JAKMIP1: variants seen among roughly 807,000 people sequenced by gnomAD.
JAKMIP1 encodes janus kinase and microtubule-interacting protein 1.
JAKMIP1 carries 33 observed loss-of-function variants against 113.0 expected under a neutral mutation model. The observed-to-expected ratio is 0.29, with a 90% confidence interval of 0.22 to 0.39. The LOEUF is 0.39. Among genes scored for constraint, JAKMIP1 ranks in the 10% least tolerant of loss-of-function variants. The pLI is 1.00. For missense variants in JAKMIP1, 813 were observed against 1,080.5 expected (o/e 0.75, Z 3.47); for synonymous variants, 480 against 459.9 (o/e 1.04, Z -0.56).
intron 2 of JAKMIP1, among the ~76,000 whole-genome samples, chr4:6,107,052 A>T (rs1714073084): frequency 6.6e-6 from 1 of 152,238 alleles, no homozygotes; most frequent in East Asian, 1.9e-4. Context: ...CCAGGCAAAC[A>T]CACAAGATCA....
Position 6,156,946 on chromosome 4 carries a change from C to T in JAKMIP1, c.-148+43307G>A, listed in dbSNP as rs988470158. Among the ~76,000 whole-genome samples, 1 of 152,206 alleles carries T rather than the reference C, an allele frequency of 6.6e-6. No homozygotes were observed. The highest frequency in any genetic ancestry group is 2.4e-5 in the African/African-American group (1 of 41,452). ...TCCATGGCTAGTGGTTTGAATGCGT[C>T]CCTCAAAGTTCACTGTTAATCCCCA... is the stretch of plus-strand genomic sequence containing the variant. On this transcript the variant is annotated intron_variant, in intron 1 of 20. Coordinates refer to ENST00000409021, the MANE Select transcript of JAKMIP1 (RefSeq NM_001099433.2). This position sits in a 1 kb window ranked among gnomAD's most constrained non-coding sequence, Gnocchi z 5.0.
intron 8 of JAKMIP1, among the ~76,000 whole-genome samples, chr4:6,077,907 C>T (rs1383163622): frequency 1.3e-5 from 2 of 152,174 alleles, no homozygotes; most frequent in African/African-American, 4.8e-5. Flanking sequence ...GGTCCACCTT[C>T]TTATAGCAAC....
intron 19 of JAKMIP1, 109 bp from the exon 20 acceptor site, chr4:6,029,890 CTG>C (rs1247870488): frequency 1.3e-6 from 1 of 774,846 alleles, no homozygotes. Flanking sequence ...GATACCAACA[CTG>C]TGGGCAGCCT....
chr4:6,026,866 ATTTTTTTTT>A (rs370379960), intron 20 of JAKMIP1, among the ~76,000 whole-genome samples: 13 of 140,682 alleles, frequency 9.2e-5, no homozygotes, highest in African/African-American at 2.4e-4. Flanking sequence ...ATTTCTTTGC[ATTTTTTTTT>A]TTTTTTTTTT....
At chr4:6,112,615 C>A (rs988669409) in intron 2 of JAKMIP1, 107 bp downstream of exon 2, 30 of 1,375,748 alleles carry the variant, frequency 2.2e-5, no homozygotes, top group South Asian at 7.8e-5. Flanking sequence ...AGTGCCCCCC[C>A]TCGGCCCCCC....
rs115972611 is a variant in JAKMIP1 at position 6,087,264 on chromosome 4, C to T, written c.625-1635G>A. 6.6e-3 allele frequency among the ~76,000 whole-genome samples: 1,003 copies of T among 152,242 alleles called. 12 individuals are homozygous for T. The highest frequency in any genetic ancestry group is 0.023 in the African/African-American group (968 of 41,530). On this transcript the variant is annotated intron_variant, in intron 3 of 20. Coordinates refer to ENST00000409021, the MANE Select transcript of JAKMIP1 (RefSeq NM_001099433.2). Reference sequence around the variant, plus strand: ...AAGCAGGCTAAAATCCCGCCCACCCCCCAACCCTGACCATATGACCATGGG... The same window carrying T: ...AAGCAGGCTAAAATCCCGCCCACCCTCCAACCCTGACCATATGACCATGGG...
chr4:6,154,317 A>T lies in JAKMIP1; in HGVS notation c.-147-41320T>A, dbSNP rs1411662668. On this transcript the variant is annotated intron_variant, in intron 1 of 20. Transcript: ENST00000409021. The surrounding 1 kb of genome is among the most constrained non-coding windows in gnomAD (Gnocchi z 4.2). Reference sequence around the variant, plus strand: ...AATAATTCGGTCATTTTCACATCAAAACCATTGCAAGGAAAACCCCCTAGG... The same window carrying T: ...AATAATTCGGTCATTTTCACATCAATACCATTGCAAGGAAAACCCCCTAGG... 6.6e-6 allele frequency among the ~76,000 whole-genome samples: 1 copy of T among 152,112 alleles called. No individual in the cohort carries two copies. The highest frequency in any genetic ancestry group is 1.5e-5 in the Non-Finnish European group (1 of 68,016).
At chr4:6,101,013 T>C (rs1360004425) in intron 3 of JAKMIP1, among the ~76,000 whole-genome samples, 1 of 152,220 alleles carries the variant, frequency 6.6e-6, no homozygotes, top group Non-Finnish European at 1.5e-5. Flanking sequence ...GTCTCTCTTT[T>C]ATTAGTGTCT....
Position 6,086,135 on chromosome 4 carries a change from C to T in JAKMIP1, c.625-506G>A, listed in dbSNP as rs537862595. ...AACCCACCGGACAACGTTGTCCTCCCGCCCTGACTCCGTCACCCACTCCCA... is the reference window on the plus strand; with the variant it reads ...AACCCACCGGACAACGTTGTCCTCCTGCCCTGACTCCGTCACCCACTCCCA... On this transcript the variant is annotated intron_variant, in intron 3 of 20. Transcript: ENST00000409021. This position sits in a 1 kb window ranked among gnomAD's most constrained non-coding sequence, Gnocchi z 4.1. Among the ~76,000 whole-genome samples, 9 of 152,234 alleles carry T rather than the reference C, an allele frequency of 5.9e-5. No individual in the cohort carries two copies. In the South Asian group the frequency reaches 1.7e-3, roughly 28 times the overall value.
chr4:6,069,953 A>C lies in JAKMIP1; in HGVS notation c.1303-4945T>G. The C allele has an allele frequency of 2.5e-6, 1 of 393,042 alleles. No homozygotes were observed. The highest frequency in any genetic ancestry group is 4.5e-6 in the Non-Finnish European group (1 of 222,952). 24.3% of individuals were successfully genotyped at this position (393,042 alleles called of 1,614,324 possible). ...CAGCCACCTGTCTTCTCACCTTCCT[A>C]TCATTTTCAACAGAGCCACCTGTCA... On this transcript the variant is annotated intron_variant, in intron 8 of 20. Transcript: ENST00000409021. The surrounding 1 kb of genome is among the most constrained non-coding windows in gnomAD (Gnocchi z 4.5).
At chr4:6,163,682 T>G (rs150473597) in intron 1 of JAKMIP1, among the ~76,000 whole-genome samples, 1 of 152,222 alleles carries the variant, frequency 6.6e-6, no homozygotes, top group Non-Finnish European at 1.5e-5. Context: ...GCTAGGCCTC[T>G]TGCACCAGTT....
rs1726276755 is a variant in JAKMIP1 at position 6,183,472 on chromosome 4, C to T, written c.-148+16781G>A. ...CCAGCCTGGGTGACAGAGCAAGACT[C>T]TGTCTCAATAAATAAATAAATAAAT... On this transcript the variant is annotated intron_variant, in intron 1 of 20. Transcript: ENST00000409021. The surrounding 1 kb of genome is among the most constrained non-coding windows in gnomAD (Gnocchi z 5.3). Among the ~76,000 whole-genome samples the T allele has an allele frequency of 1.6e-4, 1 of 6,322 alleles. No homozygotes were observed. Among genetic ancestry groups the T allele is most frequent in the Admixed American group, 1.7e-3 (1 of 586 alleles). 4.1% of individuals were successfully genotyped at this position (6,322 alleles called of 152,430 possible). A position where few individuals can be genotyped will look rare whatever the true frequency, so the allele number is the denominator to read the frequency against.
In JAKMIP1 at chr4:6,064,599, C is replaced by T. The variant is rs555244683; in HGVS notation, c.1431+281G>A. ...CCCAAGGCAACATCCCTCAATGACT[C>T]AGCTTGAACTTGGCAGCCACAGATT... On this transcript the variant is annotated intron_variant, in intron 9 of 20. Transcript: ENST00000409021. The surrounding 1 kb of genome is among the most constrained non-coding windows in gnomAD (Gnocchi z 4.3). 4.9e-4 allele frequency among the ~76,000 whole-genome samples: 74 copies of T among 152,228 alleles called. No individual in the cohort carries two copies. The highest frequency in any genetic ancestry group is 1.7e-3 in the African/African-American group (71 of 41,558).
intron 2 of JAKMIP1, among the ~76,000 whole-genome samples, chr4:6,107,506 G>C (rs1381157689): frequency 6.6e-6 from 1 of 152,146 alleles, no homozygotes; most frequent in Non-Finnish European, 1.5e-5. Context: ...GTAGACTCTG[G>C]GTGAAGCACG....
chr4:6,128,860 C>T (rs1175703392), intron 1 of JAKMIP1, among the ~76,000 whole-genome samples: 2 of 152,222 alleles, frequency 1.3e-5, no homozygotes, highest in Non-Finnish European at 1.5e-5. Context: ...CCACACCTCA[C>T]CCCTGCAGAG....
In JAKMIP1 at chr4:6,035,078, T is replaced by A. The variant is rs1427683802; in HGVS notation, c.2379+826A>T. On this transcript the variant is annotated intron_variant, in intron 19 of 20. Coordinates refer to ENST00000409021, the MANE Select transcript of JAKMIP1 (RefSeq NM_001099433.2). ...GAACTTGCCGATCTTTATCTACAGTTGCGTGAGGCAGTTCCTTAAAGTAAG... is the reference window on the plus strand; with the variant it reads ...GAACTTGCCGATCTTTATCTACAGTAGCGTGAGGCAGTTCCTTAAAGTAAG... Among the ~76,000 whole-genome samples, 3 of 152,302 alleles carry A rather than the reference T, an allele frequency of 2.0e-5. No individual in the cohort carries two copies. In the South Asian group the frequency reaches 6.2e-4, roughly 32 times the overall value.
chr4:6,197,212 G>A lies in JAKMIP1; in HGVS notation c.-148+3041C>T, dbSNP rs1414880958. Among the ~76,000 whole-genome samples the A allele has an allele frequency of 3.3e-5, 5 of 152,208 alleles. No individual in the cohort carries two copies. The East Asian group carries it at 9.6e-4, about 29-fold the overall frequency. Reference sequence around the variant, plus strand: ...CGACTTGCCCAACGTCACACTGTCAGTAGGGTGGGAGCTGGTCCTCAACAC... The same window carrying A: ...CGACTTGCCCAACGTCACACTGTCAATAGGGTGGGAGCTGGTCCTCAACAC... On this transcript the variant is annotated intron_variant, in intron 1 of 20. Transcript: ENST00000409021. The surrounding 1 kb of genome is among the most constrained non-coding windows in gnomAD (Gnocchi z 6.5).
In JAKMIP1 at chr4:6,153,772, T is replaced by C. The variant is rs372894718; in HGVS notation, c.-147-40775A>G. ...CCCAAATCATAGGCTTCAGGTGCTA[T>C]ATTTTATAACTATAAGATACAGTTA... On this transcript the variant is annotated intron_variant, in intron 1 of 20. Transcript: ENST00000409021. This position sits in a 1 kb window ranked among gnomAD's most constrained non-coding sequence, Gnocchi z 4.9. Among the ~76,000 whole-genome samples the C allele has an allele frequency of 1.3e-5, 2 of 152,348 alleles. No homozygotes were observed. The highest frequency in any genetic ancestry group is 3.9e-4 in the East Asian group (2 of 5,190).
Position 6,125,598 on chromosome 4 carries a change from AAC to A in JAKMIP1, c.-147-12603_-147-12602del, listed in dbSNP as rs111906803. Reference sequence around the variant, plus strand: ...ACACACACCATACACACCATGCAGAAACACACACACACACACACCATACAGAA... The same window carrying A: ...ACACACACCATACACACCATGCAGAAACACACACACACACACCATACAGAA... On this transcript the variant is annotated intron_variant, in intron 1 of 20. Coordinates refer to ENST00000409021, the MANE Select transcript of JAKMIP1 (RefSeq NM_001099433.2). Among the ~76,000 whole-genome samples, 179 of 111,768 alleles carry A rather than the reference AAC, an allele frequency of 1.6e-3. 1 individual carries two copies. The highest frequency in any genetic ancestry group is 5.0e-3 in the Middle Eastern group (1 of 202). The allele number at this position is 111,768 out of a possible 152,430, so 73.3% of individuals were successfully genotyped here.
Sources: gnomAD v4.1 joint callset for allele counts (sites outside exome capture counted in the v4.1 genomes callset) on GRCh38, gnomAD v4.1.1 for gene constraint, Gnocchi (gnomAD v3.1) non-coding constraint, MANE v1.5 for transcripts, NCBI Gene and HGNC (gene_info 2026-07-23, HGNC 2026-07-21) for gene names.